The following NCKAP1 variants were observed in gnomAD, a reference collection of about 807,000 sequenced individuals.
The protein encoded by NCKAP1 is nck-associated protein 1.
A neutral mutation model predicts 151.2 loss-of-function variants in NCKAP1; 21 were observed. The observed-to-expected ratio is 0.14, with a 90% CI of 0.10 to 0.20. The LOEUF (loss-of-function observed/expected upper bound fraction) is 0.20. NCKAP1 is among the 10% of genes least tolerant of loss of function. NCKAP1 has a pLI of 1.00. For missense variants in NCKAP1, 933 were observed against 1,352.1 expected, an observed-to-expected ratio of 0.69 and a Z score of 4.86; for synonymous variants, 484 against 451.8, an observed-to-expected ratio of 1.07 and a Z score of -0.90.
chr2:182,993,585 G>A (rs1698210353), intron 8 of NCKAP1, among the ~76,000 whole-genome samples: 1 of 152,136 alleles, frequency 6.6e-6, no homozygotes, highest in Admixed American at 6.5e-5. Context: ...TAACACGGAT[G>A]GAGATGGAGG....
Position 182,920,889 on chromosome 2 carries a change from T to TA in NCKAP1, c.*4812dup, listed in dbSNP as rs5836859. 105,436 of 149,692 alleles carry TA rather than the reference T, an allele frequency of 0.7. 40,098 individuals are homozygous for TA. Among genetic ancestry groups the TA allele is most frequent in the East Asian group, 0.95 (4,837 of 5,080 alleles). 9.3% of individuals were successfully genotyped at this position (149,692 alleles called of 1,614,324 possible). The stretch of plus-strand genomic sequence containing the variant: ...TTGTGTGATGCAGCAAACACATGCA[T>TA]AAAAAAAAAATCAGAAATAATGAAA... On this transcript the variant is annotated 3_prime_UTR_variant, in exon 31 of 31. Transcript: ENST00000361354.
At chr2:182,938,184 T>C (rs1352609553) in intron 24 of NCKAP1, among the ~76,000 whole-genome samples, 1 of 152,144 alleles carries the variant, frequency 6.6e-6, no homozygotes, top group East Asian at 1.9e-4. Context: ...GTACTTGGTA[T>C]TAAACATCTG....
Position 182,999,500 on chromosome 2 carries a change from A to G in NCKAP1, c.603+2453T>C, listed in dbSNP as rs891160421. Among the ~76,000 whole-genome samples the G allele has an allele frequency of 3.4e-4, 51 of 152,146 alleles. 1 individual carries two copies. Among genetic ancestry groups the G allele is most frequent in the African/African-American group, 1.2e-3 (50 of 41,446 alleles). ...CAAATATTAAAAAGTCAAAAAAATA[A>G]CAGATGTTGGCAAGGCTACTGGAGA... On this transcript the variant is annotated intron_variant, in intron 6 of 30. Transcript: ENST00000361354.
Position 182,909,491 on chromosome 2 carries a change from T to C in NCKAP1, c.*16211A>G, listed in dbSNP as rs1281726944. 6.6e-6 allele frequency: 1 copy of C among 152,236 alleles called. No homozygotes were observed. 9.4% of individuals were successfully genotyped at this position (152,236 alleles called of 1,614,324 possible). ...GGCTTATTTCACTCAGCATAATTAA[T>C]GTCTTCAAGGTTCATTCATATTGTC... On this transcript the variant is annotated 3_prime_UTR_variant, in exon 31 of 31. Coordinates refer to ENST00000361354, the MANE Select transcript of NCKAP1 (RefSeq NM_013436.5).
chr2:182,972,239 AAAAAAAC>A (rs1182883580), intron 15 of NCKAP1, among the ~76,000 whole-genome samples: 11 of 151,148 alleles, frequency 7.3e-5, no homozygotes, highest in Admixed American at 2.6e-4. Context: ...AAAAAAAAAA[AAAAAAAC>A]AAAACTGATT....
At chr2:183,022,504 T>C (rs942625135) in intron 2 of NCKAP1, among the ~76,000 whole-genome samples, 1 of 152,216 alleles carries the variant, frequency 6.6e-6, no homozygotes, top group Non-Finnish European at 1.5e-5. Flanking sequence ...ACAATATTTC[T>C]GGCTGCGCAC....
rs778333168 is a variant in NCKAP1, at chr2:182,913,054, T to C, written c.*12648A>G. Reference sequence around the variant, plus strand: ...ACGTTACCATGTTGAATAGTTGTTATTTGTTTTACTGTCTGCCTCCTTCAT... The same window carrying C: ...ACGTTACCATGTTGAATAGTTGTTACTTGTTTTACTGTCTGCCTCCTTCAT... On this transcript the variant is annotated 3_prime_UTR_variant, in exon 31 of 31. Transcript: ENST00000361354. The C allele has an allele frequency of 5.3e-5, 8 of 152,230 alleles. No individual in the cohort carries two copies. The highest frequency in any genetic ancestry group is 1.0e-4 in the Non-Finnish European group (7 of 68,050). 9.4% of individuals were successfully genotyped at this position (152,230 alleles called of 1,614,324 possible).
chr2:182,912,082 A>G lies in NCKAP1; in HGVS notation c.*13620T>C, dbSNP rs1696404343. 1 of 152,216 alleles carries G rather than the reference A, an allele frequency of 6.6e-6. No individual in the cohort carries two copies. The highest frequency in any genetic ancestry group is 2.4e-5 in the African/African-American group (1 of 41,464). The allele number at this position is 152,216 out of a possible 1,614,324, so 9.4% of individuals were successfully genotyped here. On this transcript the variant is annotated 3_prime_UTR_variant, in exon 31 of 31. Transcript: ENST00000361354. ...ACATCATGAAAAATTCCTTTTACCT[A>G]AAAAACTGCTGAAGTTCAGAGGTTG...
Position 182,952,439 on chromosome 2 carries a change from A to G in NCKAP1, c.2567T>C (p.Met856Thr). The stretch of plus-strand genomic sequence containing the variant: ...AGCAACTTGTGATGAAATATGCCAC[A>G]TAAGGCTTTCACTTAGAAACTTCAT... ...YGMKFLSESLMWHISSQVAEL... is the reference protein window; with the variant it reads ...YGMKFLSESLTWHISSQVAEL... Residue 856 changes from methionine to threonine, a missense_variant, in exon 23 of 31, where the codon ATG becomes ACG. By Grantham distance (81) the Met-to-Thr change is moderately conservative. This residue lies in a region of NCKAP1 where 326 missense variants were observed against 557.1 expected (regional missense o/e 0.59). Coordinates refer to ENST00000361354, the MANE Select transcript of NCKAP1 (RefSeq NM_013436.5). The G allele has an allele frequency of 6.2e-7, 1 of 1,611,270 alleles. No homozygotes were observed. Among genetic ancestry groups the G allele is most frequent in the Non-Finnish European group, 8.5e-7 (1 of 1,178,642 alleles).
At position 182,911,609 on chromosome 2, in the gene NCKAP1, T is replaced by C. The variant is rs964196842; in HGVS notation, c.*14093A>G. 3.3e-5 allele frequency: 5 copies of C among 152,220 alleles called. No homozygotes were observed. The highest frequency in any genetic ancestry group is 1.2e-4 in the African/African-American group (5 of 41,464). 9.4% of individuals were successfully genotyped at this position (152,220 alleles called of 1,614,324 possible). Reference sequence around the variant, plus strand: ...TTCAGTCATCTATGAATGGCCATCATAATGATTTGAAACTAGCAAAGTTAT... The same window carrying C: ...TTCAGTCATCTATGAATGGCCATCACAATGATTTGAAACTAGCAAAGTTAT... On this transcript the variant is annotated 3_prime_UTR_variant, in exon 31 of 31. Coordinates refer to ENST00000361354, the MANE Select transcript of NCKAP1 (RefSeq NM_013436.5).
intron 1 of NCKAP1, among the ~76,000 whole-genome samples, chr2:183,034,419 C>T (rs1575076861): frequency 6.7e-6 from 1 of 148,738 alleles, no homozygotes; most frequent in Non-Finnish European, 1.5e-5. Context: ...CTTTACAGTA[C>T]AGGCAGAAAT....
intron 20 of NCKAP1, 74 bp from the exon 21 acceptor site, chr2:182,953,405 C>A: frequency 1.1e-6 from 1 of 942,150 alleles, no homozygotes; most frequent in South Asian, 1.7e-5. Context: ...ACTCAACCTA[C>A]TGTTATCTAA....
chr2:182,929,297 A>T (rs1696712108), intron 27 of NCKAP1, among the ~76,000 whole-genome samples: 1 of 151,630 alleles, frequency 6.6e-6, no homozygotes, highest in African/African-American at 2.4e-5. Context: ...AAAACTTATA[A>T]ATTATTCTGC....
At chr2:182,947,603 T>C (rs1289338228) in intron 23 of NCKAP1, among the ~76,000 whole-genome samples, 3 of 152,122 alleles carry the variant, frequency 2.0e-5, no homozygotes, top group South Asian at 2.1e-4. Flanking sequence ...TTTATAGAGA[T>C]ATATATATAT....
chr2:182,964,830 T>A (rs1697531187), intron 16 of NCKAP1, 22 bp from the exon 17 acceptor site: 1 of 1,562,306 alleles, frequency 6.4e-7, no homozygotes, highest in South Asian at 1.2e-5. Context: ...AAAATCAGAA[T>A]CACAATTTTT....
At chr2:183,005,373 G>C (rs1436980186) in intron 2 of NCKAP1, among the ~76,000 whole-genome samples, 7 of 152,022 alleles carry the variant, frequency 4.6e-5, no homozygotes, top group African/African-American at 7.3e-5. Flanking sequence ...ATCTTACTAT[G>C]AGCCTTAAAT....
In NCKAP1 at chr2:182,995,746, G is replaced by A. The variant is rs1698256216; in HGVS notation, c.696C>T (p.Leu232=). 3 of 1,613,964 alleles carry A rather than the reference G, an allele frequency of 1.9e-6. No homozygotes were observed. Among genetic ancestry groups the A allele is most frequent in the East Asian group, 4.5e-5 (2 of 44,858 alleles). Residue 232 remains leucine (L), a synonymous_variant, in exon 7 of 31, where the codon CTC becomes CTT. Coordinates refer to ENST00000361354, the MANE Select transcript of NCKAP1 (RefSeq NM_013436.5). ...TAAGCATTGTACTAGGTGCACTGAT[G>A]AGGCTCAATAACTGGGCATTTCTCC... The part of the protein sequence containing the change: ...DQWRNAQLLS[L]ISAPSTMLNP...
At chr2:183,009,467 G>GTAGCAAGC (rs1306856682) in intron 2 of NCKAP1, among the ~76,000 whole-genome samples, 3 of 132,876 alleles carry the variant, frequency 2.3e-5, no homozygotes, top group African/African-American at 3.8e-5. Flanking sequence ...AGGAAGGAAG[G>GTAGCAAGC]AAGGAAGGAA....
At chr2:182,965,016 T>C (rs1469454485) in intron 16 of NCKAP1, among the ~76,000 whole-genome samples, 2 of 152,052 alleles carry the variant, frequency 1.3e-5, no homozygotes, top group African/African-American at 4.8e-5. Flanking sequence ...TAACAACATT[T>C]TAAAAAATAA....
Sources: gnomAD v4.1 joint callset for allele counts (sites outside exome capture counted in the v4.1 genomes callset) on GRCh38, gnomAD v4.1.1 for gene constraint, gnomAD v4.1.1 regional missense constraint, MANE v1.5 for transcripts, NCBI Gene and HGNC (gene_info 2026-07-23, HGNC 2026-07-21) for gene names.